TOP1: variants seen among roughly 807,000 people sequenced by gnomAD.
TOP1 encodes DNA topoisomerase I.
In TOP1, 10 loss-of-function variants were observed where a neutral mutation model predicts 111.1. The ratio of observed to expected loss-of-function variants is 0.09; its 90% CI spans 0.06 to 0.15. The LOEUF is 0.15. Among genes scored for constraint, TOP1 ranks in the 10% least tolerant of loss-of-function variants. The pLI is 1.00. For synonymous variants in TOP1, 271 were observed against 302.9 expected (o/e 0.89, Z 1.10); for missense variants, 474 against 926.7 (o/e 0.51, Z 6.34).
At position 41,028,896 on chromosome 20, in the gene TOP1, C is replaced by T; in HGVS notation, c.-172C>T. 3.5e-6 allele frequency: 2 copies of T among 573,270 alleles called. No homozygotes were observed. The highest frequency in any genetic ancestry group is 2.0e-5 in the South Asian group (1 of 48,850). The allele number at this position is 573,270 out of a possible 1,614,324, so 35.5% of individuals were successfully genotyped here. A position where few individuals can be genotyped will look rare whatever the true frequency, so the allele number is the denominator to read the frequency against. On this transcript the variant is annotated 5_prime_UTR_variant, in exon 1 of 21. Coordinates refer to ENST00000361337, the MANE Select transcript of TOP1 (RefSeq NM_003286.4). The stretch of plus-strand genomic sequence containing the variant: ...CCCGCCCGGCAGTCAGGCAGCGTCG[C>T]CGCCGTGGTAGCAGCCTCAGCCGTT...
chr20:41,041,681 G>C (rs2033266837), intron 2 of TOP1, among the ~76,000 whole-genome samples: 1 of 152,140 alleles, frequency 6.6e-6, no homozygotes, highest in Non-Finnish European at 1.5e-5. Context: ...ACACCTTGAA[G>C]TTGATTCTAT....
At chr20:41,065,913 A>G (rs1012071628) in intron 3 of TOP1, among the ~76,000 whole-genome samples, 5 of 152,142 alleles carry the variant, frequency 3.3e-5, no homozygotes, top group Non-Finnish European at 7.4e-5. Flanking sequence ...GATCATGTCC[A>G]ACAATGGGTG....
intron 3 of TOP1, among the ~76,000 whole-genome samples, chr20:41,062,145 T>C (rs1438577130): frequency 1.3e-5 from 2 of 152,198 alleles, no homozygotes; most frequent in Admixed American, 6.5e-5. Context: ...AATCTAGTTA[T>C]TGAAAATGAG....
At position 41,080,255 on chromosome 20, in the gene TOP1, T is replaced by C; in HGVS notation, c.431+75T>C. On this transcript the variant is annotated intron_variant, in intron 6 of 20. Coordinates refer to ENST00000361337, the MANE Select transcript of TOP1 (RefSeq NM_003286.4). This position sits in a 1 kb window ranked among gnomAD's most constrained non-coding sequence, Gnocchi z 5.0. Reference sequence around the variant, plus strand: ...TAAAGAATAAATGTGATGTGTTTCTTTATAATACATATAGAAACTGCATTA... The same window carrying C: ...TAAAGAATAAATGTGATGTGTTTCTCTATAATACATATAGAAACTGCATTA... The C allele has an allele frequency of 1.2e-6, 1 of 847,776 alleles. No homozygotes were observed. The highest frequency in any genetic ancestry group is 1.9e-6 in the Non-Finnish European group (1 of 536,286). The allele number at this position is 847,776 out of a possible 1,614,324, so 52.5% of individuals were successfully genotyped here.
chr20:41,120,051 T>G (rs1417571055), intron 18 of TOP1, among the ~76,000 whole-genome samples: 1 of 152,226 alleles, frequency 6.6e-6, no homozygotes, highest in Non-Finnish European at 1.5e-5. Flanking sequence ...AGGATTCCTC[T>G]CCTGTGTGCC....
intron 17 of TOP1, among the ~76,000 whole-genome samples, chr20:41,117,915 T>C (rs1470238980): frequency 6.6e-6 from 1 of 151,656 alleles, no homozygotes; most frequent in Non-Finnish European, 1.5e-5. Flanking sequence ...TTTTATTATA[T>C]TACCTAGACT....
chr20:41,113,855 C>G, intron 14 of TOP1, 115 bp from the exon 15 acceptor site: 1 of 853,740 alleles, frequency 1.2e-6, no homozygotes, highest in Non-Finnish European at 1.7e-6. Flanking sequence ...TGCACTCTAG[C>G]CTGGCGACAG....
chr20:41,064,341 T>A (rs970634925), intron 3 of TOP1, among the ~76,000 whole-genome samples: 3 of 152,200 alleles, frequency 2.0e-5, no homozygotes, highest in African/African-American at 7.2e-5. Flanking sequence ...GAATACATTC[T>A]TTTTAAGTGC....
chr20:41,089,239 T>TG (rs371466977), intron 8 of TOP1, among the ~76,000 whole-genome samples: 2 of 152,272 alleles, frequency 1.3e-5, no homozygotes, highest in African/African-American at 4.8e-5. Flanking sequence ...TTGGCCAGGC[T>TG]GGTCTCAAAC....
At chr20:41,051,057 G>A (rs538010781) in intron 2 of TOP1, among the ~76,000 whole-genome samples, 1 of 152,296 alleles carries the variant, frequency 6.6e-6, no homozygotes, top group South Asian at 2.1e-4. Flanking sequence ...CACTCAAGTG[G>A]TTCTAGTGTT....
At chr20:41,120,038 C>T (rs569484538) in intron 18 of TOP1, among the ~76,000 whole-genome samples, 1 of 152,354 alleles carries the variant, frequency 6.6e-6, no homozygotes, top group South Asian at 2.1e-4. Flanking sequence ...GCCCTCCAAA[C>T]CCAGGATTCC....
chr20:41,073,196 T>A, intron 3 of TOP1: 1 of 985,220 alleles, frequency 1.0e-6, no homozygotes, highest in Non-Finnish European at 1.2e-6. Context: ...TAGGTACCTA[T>A]GTTGTGATTG....
At position 41,029,420 on chromosome 20, in the gene TOP1, T is replaced by C. The variant is rs1003142291; in HGVS notation, c.34-11T>C. On this transcript the variant is annotated splice_polypyrimidine_tract_variant and intron_variant, in intron 1 of 20. Coordinates refer to ENST00000361337, the MANE Select transcript of TOP1 (RefSeq NM_003286.4). This position sits in a 1 kb window ranked among gnomAD's most constrained non-coding sequence, Gnocchi z 6.1. The stretch of plus-strand genomic sequence containing the variant: ...GCTGTTGTTTGATATTCTCTCCTTT[T>C]CTTTTTCCAGATCGAAGCGGATTTC... The C allele has an allele frequency of 6.7e-7, 1 of 1,483,658 alleles. No homozygotes were observed. Among genetic ancestry groups the C allele is most frequent in the Non-Finnish European group, 9.0e-7 (1 of 1,115,152 alleles). The allele number at this position is 1,483,658 out of a possible 1,614,324, so 91.9% of individuals were successfully genotyped here.
intron 13 of TOP1, among the ~76,000 whole-genome samples, chr20:41,105,442 T>G (rs536690488): frequency 6.6e-6 from 1 of 152,280 alleles, no homozygotes; most frequent in South Asian, 2.1e-4. Flanking sequence ...ATTAATCCAT[T>G]TTATTTGTTA....
chr20:41,117,326 C>T (rs373693923), intron 17 of TOP1, among the ~76,000 whole-genome samples: 24 of 150,798 alleles, frequency 1.6e-4, no homozygotes, highest in Admixed American at 6.6e-5. Context: ...CAGGGTGAGA[C>T]GCTATCTCTA....
At chr20:41,113,292 TA>T (rs2034272105) in intron 14 of TOP1, among the ~76,000 whole-genome samples, 1 of 152,210 alleles carries the variant, frequency 6.6e-6, no homozygotes, top group Non-Finnish European at 1.5e-5. Context: ...TATTTTAACA[TA>T]AGTTCTGAAT....
At chr20:41,043,635 C>A (rs2033295311) in intron 2 of TOP1, among the ~76,000 whole-genome samples, 4 of 152,278 alleles carry the variant, frequency 2.6e-5, no homozygotes, top group African/African-American at 9.6e-5. Flanking sequence ...AACAATGTGT[C>A]AGCACACTTA....
At position 41,061,898 on chromosome 20, in the gene TOP1, G is replaced by A. The variant is rs116178431; in HGVS notation, c.155+408G>A. 3.1e-3 allele frequency among the ~76,000 whole-genome samples: 477 copies of A among 152,042 alleles called. 2 individuals are homozygous for A. The highest frequency in any genetic ancestry group is 0.011 in the African/African-American group (447 of 41,456). ...TTTACATTAAAAATTCTTAACTTGG[G>A]CTTCCATGGTCTGTTAGCCCCTGAA... On this transcript the variant is annotated intron_variant, in intron 3 of 20. Coordinates refer to ENST00000361337, the MANE Select transcript of TOP1 (RefSeq NM_003286.4). This position sits in a 1 kb window ranked among gnomAD's most constrained non-coding sequence, Gnocchi z 4.6.
intron 13 of TOP1, among the ~76,000 whole-genome samples, chr20:41,107,108 A>T (rs2034158583): frequency 6.6e-6 from 1 of 152,028 alleles, no homozygotes; most frequent in Non-Finnish European, 1.5e-5. Flanking sequence ...TTACCTGAAA[A>T]TTTCTTTATT....
Sources: gnomAD v4.1 joint callset for allele counts (sites outside exome capture counted in the v4.1 genomes callset) on GRCh38, gnomAD v4.1.1 for gene constraint, Gnocchi (gnomAD v3.1) non-coding constraint, MANE v1.5 for transcripts, NCBI Gene and HGNC (gene_info 2026-07-23, HGNC 2026-07-21) for gene names.